The following EYS variants were observed in gnomAD, a reference collection of about 807,000 sequenced individuals.
The protein encoded by EYS is EGF-like photoreceptor maintenance factor, also known as protein eyes shut homolog.
EYS carries 250 observed loss-of-function variants against 282.1 expected under a neutral mutation model. The observed-to-expected ratio is 0.89, with a 90% CI of 0.80 to 0.98. The LOEUF (loss-of-function observed/expected upper bound fraction) is 0.98. EYS is among the 50% of genes least tolerant of loss of function. EYS has a pLI of 0.00. For missense variants in EYS, 4,016 were observed against 3,709.0 expected (o/e 1.08, Z -2.15); for synonymous variants, 1,355 against 1,282.9 (o/e 1.06, Z -1.20).
intron 1 of EYS, among the ~76,000 whole-genome samples, chr6:65,640,954 C>T (rs1767255163): frequency 6.6e-6 from 1 of 152,012 alleles, no homozygotes; most frequent in Non-Finnish European, 1.5e-5. Flanking sequence ...CCTCTTAGGA[C>T]TTCTGTTGAA....
chr6:65,345,699 G>A (rs73744316), intron 9 of EYS, among the ~76,000 whole-genome samples: 6,710 of 151,212 alleles, frequency 0.044, 474 homozygotes, highest in African/African-American at 0.15. Flanking sequence ...CTAAACATTA[G>A]GATTTAACTC....
intron 33 of EYS, among the ~76,000 whole-genome samples, chr6:64,050,764 A>G (rs1770784325): frequency 1.3e-5 from 2 of 152,196 alleles, no homozygotes; most frequent in Admixed American, 6.5e-5. Context: ...ATGATTGGGA[A>G]CTTTGCTTAA....
intron 28 of EYS, among the ~76,000 whole-genome samples, chr6:64,393,427 T>C (rs1773234947): frequency 6.6e-6 from 1 of 152,162 alleles, no homozygotes; most frequent in Admixed American, 6.6e-5. Flanking sequence ...AAAAAGCTTA[T>C]CCACCATGAT....
At chr6:65,086,745 T>C (rs368399876) in intron 12 of EYS, among the ~76,000 whole-genome samples, 34 of 152,280 alleles carry the variant, frequency 2.2e-4, no homozygotes, top group African/African-American at 7.9e-4. Context: ...TCCAATTATG[T>C]ACATGAGCAT....
chr6:65,603,693 T>C (rs1220666093), intron 2 of EYS, among the ~76,000 whole-genome samples: 3 of 151,972 alleles, frequency 2.0e-5, no homozygotes, highest in Admixed American at 2.0e-4. Flanking sequence ...CCCAGAGCTT[T>C]CTTAATGAGC....
chr6:64,053,561 C>T (rs1770883731), intron 33 of EYS, among the ~76,000 whole-genome samples: 1 of 151,996 alleles, frequency 6.6e-6, no homozygotes, highest in Non-Finnish European at 1.5e-5. Flanking sequence ...GCTTATGTGC[C>T]TCAATGTTGT....
chr6:65,058,216 T>A (rs1292592628), intron 12 of EYS, among the ~76,000 whole-genome samples: 1 of 152,094 alleles, frequency 6.6e-6, no homozygotes, highest in East Asian at 1.9e-4. Context: ...AGTGGTGCGA[T>A]CTTGGATCAC....
intron 12 of EYS, among the ~76,000 whole-genome samples, chr6:65,180,329 C>G (rs938986993): frequency 2.0e-5 from 3 of 152,086 alleles, no homozygotes; most frequent in African/African-American, 7.2e-5. Flanking sequence ...CCCAAAGTCT[C>G]CTTAAGCTGA....
intron 12 of EYS, among the ~76,000 whole-genome samples, chr6:65,268,026 G>A (rs545303713): frequency 1.6e-4 from 24 of 151,770 alleles, no homozygotes; most frequent in Admixed American, 5.9e-4. Flanking sequence ...TTATGCACAG[G>A]ATAATTGCTA....
intron 26 of EYS, among the ~76,000 whole-genome samples, chr6:64,540,325 C>A (rs1019485989): frequency 6.6e-6 from 1 of 152,112 alleles, no homozygotes; most frequent in African/African-American, 2.4e-5. Flanking sequence ...CACTGCCAAT[C>A]TCAAAGTTTT....
intron 31 of EYS, among the ~76,000 whole-genome samples, chr6:64,170,629 T>C (rs1764450715): frequency 6.6e-6 from 1 of 150,586 alleles, no homozygotes; most frequent in South Asian, 2.1e-4. Context: ...GCACCAGTAA[T>C]TGAATTTAAG....
At chr6:63,912,229 G>T (rs1197204698) in intron 35 of EYS, among the ~76,000 whole-genome samples, 1 of 152,034 alleles carries the variant, frequency 6.6e-6, no homozygotes, top group Non-Finnish European at 1.5e-5. Flanking sequence ...TTTGTCGTAA[G>T]TCTCTCCATG....
chr6:64,622,962 A>G (rs2149854206), intron 23 of EYS, among the ~76,000 whole-genome samples: 1 of 152,310 alleles, frequency 6.6e-6, no homozygotes. Flanking sequence ...ATTACTCAGA[A>G]GAGTGAAAAG....
At chr6:64,432,511 GT>G (rs1236812214) in intron 28 of EYS, among the ~76,000 whole-genome samples, 13 of 150,678 alleles carry the variant, frequency 8.6e-5, no homozygotes, top group African/African-American at 3.2e-4. Flanking sequence ...CAATTATTAT[GT>G]TAATATAATT....
intron 24 of EYS, among the ~76,000 whole-genome samples, chr6:64,597,949 A>G (rs1011517945): frequency 1.3e-5 from 2 of 149,650 alleles, no homozygotes; most frequent in African/African-American, 4.9e-5. Context: ...CCCTGATTTT[A>G]TCACTAACAC....
At chr6:65,291,206 CT>C (rs554305846) in intron 12 of EYS, among the ~76,000 whole-genome samples, 14 of 151,592 alleles carry the variant, frequency 9.2e-5, no homozygotes, top group Non-Finnish European at 2.1e-4. Context: ...AGCACTCAAT[CT>C]TTTTTTGCTG....
intron 28 of EYS, among the ~76,000 whole-genome samples, chr6:64,412,991 G>T (rs555713528): frequency 1.3e-5 from 2 of 152,254 alleles, no homozygotes; most frequent in African/African-American, 4.8e-5. Flanking sequence ...GATACTAGTA[G>T]AAGAGAGCCA....
At chr6:65,353,316 G>T (rs1764356464) in intron 9 of EYS, 142 bp downstream of exon 9, 1 of 699,630 alleles carries the variant, frequency 1.4e-6, no homozygotes, top group Non-Finnish European at 2.4e-6. Flanking sequence ...GAATACATTA[G>T]AAAATAAGAG....
intron 12 of EYS, among the ~76,000 whole-genome samples, chr6:65,064,182 GTA>G (rs553276920): frequency 4.3e-5 from 6 of 138,928 alleles, no homozygotes; most frequent in Non-Finnish European, 9.2e-5. Flanking sequence ...ATAATATATA[GTA>G]TATATAGTAT....
Sources: gnomAD v4.1 joint callset for allele counts (sites outside exome capture counted in the v4.1 genomes callset) on GRCh38, gnomAD v4.1.1 for gene constraint, MANE v1.5 for transcripts, NCBI Gene and HGNC (gene_info 2026-07-23, HGNC 2026-07-21) for gene names.